The following NEK11 variants were observed in gnomAD, a reference collection of about 807,000 sequenced individuals.
NEK11 encodes serine/threonine-protein kinase Nek11.
A neutral mutation model predicts 80.7 loss-of-function variants in NEK11; 72 were observed. The observed-to-expected ratio is 0.89, with a 90% CI of 0.74 to 1.08. NEK11 has a LOEUF of 1.08. Ranked by LOEUF, NEK11 falls within the 50% of genes least tolerant of loss-of-function variation. The pLI, the probability that NEK11 is intolerant of heterozygous loss-of-function variation, is 0.00. For missense variants in NEK11, 764 were observed against 763.6 expected (o/e 1.00, Z -0.01); for synonymous variants, 251 against 260.7 (o/e 0.96, Z 0.36).
chr3:131,331,974 G>C (rs992890734), intron 17 of NEK11, among the ~76,000 whole-genome samples: 1 of 152,214 alleles, frequency 6.6e-6, no homozygotes, highest in South Asian at 2.1e-4. Context: ...GCTTGAGCTG[G>C]GTGGAGCCCA....
intron 17 of NEK11, among the ~76,000 whole-genome samples, chr3:131,286,904 G>A (rs1247367884): frequency 1.3e-5 from 2 of 152,218 alleles, no homozygotes; most frequent in African/African-American, 2.4e-5. Context: ...GACCCTTGGG[G>A]TGTGAGGGGC....
intron 17 of NEK11, among the ~76,000 whole-genome samples, chr3:131,312,631 C>T (rs1423006059): frequency 1.3e-5 from 2 of 152,074 alleles, no homozygotes; most frequent in Non-Finnish European, 2.9e-5. Context: ...TCAGTCAACT[C>T]AGCCTCATAA....
At chr3:131,272,470 T>TTTTTTTTTTTTTTTTTTTTTTTTTTTTTG (rs2096213527) in intron 16 of NEK11, among the ~76,000 whole-genome samples, 1 of 116,172 alleles carries the variant, frequency 8.6e-6, no homozygotes, top group Non-Finnish European at 1.8e-5. Context: ...CTTCTTTTTT[T>TTTTTTTTTTTTTTTTTTTTTTTTTTTTTG]TTTTTTTTTT....
At chr3:131,155,142 T>A in intron 10 of NEK11, 21 bp downstream of exon 10, 1 of 1,458,300 alleles carries the variant, frequency 6.9e-7, no homozygotes, top group Non-Finnish European at 9.6e-7. Flanking sequence ...GCTTTGTTTT[T>A]AAAAAGCCCA....
At chr3:131,088,749 A>G (rs945247588) in intron 4 of NEK11, among the ~76,000 whole-genome samples, 1 of 152,206 alleles carries the variant, frequency 6.6e-6, no homozygotes, top group Non-Finnish European at 1.5e-5. Flanking sequence ...CAAGATGTTC[A>G]TTTATATTAT....
intron 10 of NEK11, among the ~76,000 whole-genome samples, chr3:131,159,535 G>T (rs2091243069): frequency 6.6e-6 from 1 of 152,196 alleles, no homozygotes; most frequent in Non-Finnish European, 1.5e-5. Flanking sequence ...GGAGGCTGAG[G>T]TGGGTGGATC....
chr3:131,138,739 G>A (rs941471038), intron 7 of NEK11, among the ~76,000 whole-genome samples: 2 of 152,152 alleles, frequency 1.3e-5, no homozygotes, highest in Non-Finnish European at 2.9e-5. Context: ...TCTTTGCCTT[G>A]TAATCCAAAG....
intron 17 of NEK11, among the ~76,000 whole-genome samples, chr3:131,303,941 T>C (rs2096693023): frequency 6.6e-6 from 1 of 152,182 alleles, no homozygotes; most frequent in Non-Finnish European, 1.5e-5. Flanking sequence ...TCCTTAAATA[T>C]ATGTTCCAAA....
intron 16 of NEK11, among the ~76,000 whole-genome samples, chr3:131,248,058 T>C (rs1168631244): frequency 6.6e-6 from 1 of 152,122 alleles, no homozygotes; most frequent in East Asian, 1.9e-4. Flanking sequence ...AATTTGACTT[T>C]CTTTTTTCCA....
In NEK11 at chr3:131,174,746, G is replaced by A. The variant is rs1036057024; in HGVS notation, c.1399+3859G>A. 1.1e-5 allele frequency: 17 copies of A among 1,603,838 alleles called. No homozygotes were observed. In the African/African-American group the frequency reaches 1.7e-4, roughly 16 times the overall value. Reference sequence around the variant, plus strand: ...GGAACTTCTTTGTACTCTAGCATTTGTTTTATATTTTATTTTTTAGCAACT... The same window carrying A: ...GGAACTTCTTTGTACTCTAGCATTTATTTTATATTTTATTTTTTAGCAACT... On this transcript the variant is annotated intron_variant, in intron 14 of 17. Transcript: ENST00000383366.
intron 5 of NEK11, among the ~76,000 whole-genome samples, chr3:131,120,074 C>T (rs370126725): frequency 0.023 from 3,513 of 152,228 alleles, 161 homozygotes; most frequent in African/African-American, 0.08. Context: ...TTCCTAGCAT[C>T]GATGGTCTTT....
chr3:131,119,790 A>G (rs959847266), intron 5 of NEK11, among the ~76,000 whole-genome samples: 4 of 152,160 alleles, frequency 2.6e-5, no homozygotes, highest in African/African-American at 9.7e-5. Context: ...CTAGGATTGC[A>G]ACCCCTGCTT....
chr3:131,174,604 A>G (rs1055682214), intron 14 of NEK11, among the ~76,000 whole-genome samples: 1 of 152,198 alleles, frequency 6.6e-6, no homozygotes, highest in Non-Finnish European at 1.5e-5. Context: ...ATCTAGTGAA[A>G]GTCATGGGTA....
chr3:131,254,111 A>C (rs2095759793), intron 16 of NEK11, among the ~76,000 whole-genome samples: 2 of 152,162 alleles, frequency 1.3e-5, no homozygotes, highest in Non-Finnish European at 2.9e-5. Flanking sequence ...AAGTTGTAGA[A>C]ATTTAAATTT....
intron 17 of NEK11, among the ~76,000 whole-genome samples, chr3:131,297,167 G>T (rs6439281): frequency 6.6e-6 from 1 of 151,648 alleles, no homozygotes; most frequent in African/African-American, 2.4e-5. Flanking sequence ...AGTCCTTTGG[G>T]TATATACCCA....
At chr3:131,280,989 G>A (rs2096386685) in intron 17 of NEK11, among the ~76,000 whole-genome samples, 1 of 152,132 alleles carries the variant, frequency 6.6e-6, no homozygotes, top group Non-Finnish European at 1.5e-5. Context: ...GGCCCAATGT[G>A]AGCCCCAAGT....
chr3:131,120,711 G>A (rs973818624), intron 5 of NEK11, among the ~76,000 whole-genome samples: 3 of 151,738 alleles, frequency 2.0e-5, no homozygotes, highest in South Asian at 2.1e-4. Flanking sequence ...TTCTCTTCTC[G>A]CTTCATTTCA....
intron 4 of NEK11, among the ~76,000 whole-genome samples, chr3:131,081,879 G>A (rs944569499): frequency 2.0e-5 from 3 of 152,186 alleles, no homozygotes; most frequent in South Asian, 4.1e-4. Context: ...AAGGAAAAGG[G>A]ATAGCAGCGA....
At chr3:131,343,862 C>T (rs2110452502) in intron 17 of NEK11, among the ~76,000 whole-genome samples, 1 of 152,274 alleles carries the variant, frequency 6.6e-6, no homozygotes, top group Non-Finnish European at 1.5e-5. Flanking sequence ...CCTCCTAGGC[C>T]TCTGGGCCTG....
Sources: gnomAD v4.1 joint callset for allele counts (sites outside exome capture counted in the v4.1 genomes callset) on GRCh38, gnomAD v4.1.1 for gene constraint, MANE v1.5 for transcripts, NCBI Gene and HGNC (gene_info 2026-07-23, HGNC 2026-07-21) for gene names.